ANKRD24: variants seen among roughly 807,000 people sequenced by gnomAD.
ANKRD24 encodes the protein ankyrin repeat domain 24, also known as ankyrin repeat domain-containing protein 24.
In ANKRD24, 109 loss-of-function variants were observed where a neutral mutation model predicts 127.8. The ratio of observed to expected loss-of-function variants is 0.85; its 90% CI spans 0.73 to 1.00. The LOEUF is 1.00. Among genes scored for constraint, ANKRD24 ranks in the 50% least tolerant of loss-of-function variants. The probability of loss-of-function intolerance (pLI) is 0.00; values close to 1 mark genes in which losing one functional copy is unlikely to be tolerated. For synonymous variants in ANKRD24, 743 were observed against 671.1 expected (o/e 1.11, Z -1.66); for missense variants, 1,648 against 1,570.2 (o/e 1.05, Z -0.84).
chr19:4,202,971 G>A lies in ANKRD24; in HGVS notation c.466+45G>A, dbSNP rs1969178697. 3 of 1,500,382 alleles carry A rather than the reference G, an allele frequency of 2.0e-6. No individual in the cohort carries two copies. In the East Asian group the frequency reaches 7.5e-5, roughly 38 times the overall value. The allele number at this position is 1,500,382 out of a possible 1,614,324, so 92.9% of individuals were successfully genotyped here. A position where few individuals can be genotyped will look rare whatever the true frequency, so the allele number is the denominator to read the frequency against. ...GCCCTGACCCCGAAGCCCAGAGGGT[G>A]CTAGACTTGGGGGTTATTCTGCCCA... On this transcript the variant is annotated intron_variant, in intron 7 of 21. Transcript: ENST00000318934.
At chr19:4,221,118 G>A (rs1289427375) in intron 19 of ANKRD24, among the ~76,000 whole-genome samples, 4 of 151,112 alleles carry the variant, frequency 2.6e-5, no homozygotes, top group South Asian at 4.2e-4. Context: ...TCACTCTGTC[G>A]CTCAGGGTGA....
chr19:4,223,894 T>C (rs1799620932), intron 20 of ANKRD24, among the ~76,000 whole-genome samples: 1 of 151,986 alleles, frequency 6.6e-6, no homozygotes, highest in African/African-American at 2.4e-5. Context: ...AGACGGGATT[T>C]TACCATGTTG....
intron 13 of ANKRD24, 62 bp downstream of exon 13, chr19:4,210,434 G>A: frequency 1.5e-6 from 2 of 1,368,414 alleles, no homozygotes; most frequent in Non-Finnish European, 2.0e-6. Context: ...CAGGCATGAA[G>A]ATCCCCCTAC....
chr19:4,218,036 T>G lies in ANKRD24; in HGVS notation c.2876T>G (p.Val959Gly). Residue 959 changes from valine (V) to glycine (G), a missense_variant, in exon 18 of 22, where the codon GTG (valine) becomes GGG (glycine). Val to Gly is a moderately radical substitution (Grantham distance 109). Transcript: ENST00000318934. ...RLRAELERER[V>G]CSVALSEHER... is the part of the protein sequence containing the mutation. ...CGCGCGGAGCTGGAGCGGGAGCGTGTGTGCAGCGTGGCGCTCTCGGAGCAC... is the reference window on the plus strand; with the variant it reads ...CGCGCGGAGCTGGAGCGGGAGCGTGGGTGCAGCGTGGCGCTCTCGGAGCAC... 4 of 1,559,202 alleles carry G rather than the reference T, an allele frequency of 2.6e-6. No individual in the cohort carries two copies. The highest frequency in any genetic ancestry group is 3.5e-6 in the Non-Finnish European group (4 of 1,157,728).
chr19:4,204,215 C>G (rs938159354), intron 7 of ANKRD24, among the ~76,000 whole-genome samples: 1 of 151,586 alleles, frequency 6.6e-6, no homozygotes, highest in Non-Finnish European at 1.5e-5. Context: ...TCCGCCTGCT[C>G]GGCCTCCCAA....
chr19:4,208,995 A>C, intron 11 of ANKRD24, 194 bp downstream of exon 11: 7 of 471,334 alleles, frequency 1.5e-5, no homozygotes, highest in East Asian at 4.2e-5. Flanking sequence ...GGGTGAGAAT[A>C]CTGGATGGGG....
chr19:4,223,403 T>TA (rs1599477868), intron 20 of ANKRD24, among the ~76,000 whole-genome samples: 161 of 76,510 alleles, frequency 2.1e-3, no homozygotes, highest in South Asian at 8.0e-3. Flanking sequence ...ATATATATAT[T>TA]TTTTTTTTTT....
intron 6 of ANKRD24, among the ~76,000 whole-genome samples, chr19:4,202,407 A>G (rs932199463): frequency 6.6e-6 from 1 of 152,162 alleles, no homozygotes; most frequent in South Asian, 2.1e-4. Flanking sequence ...CGTCTCTACT[A>G]AAAATACAAA....
Position 4,198,722 on chromosome 19 carries a change from A to G in ANKRD24, c.37-961A>G, listed in dbSNP as rs1309839028. On this transcript the variant is annotated intron_variant, in intron 2 of 21. Coordinates refer to ENST00000318934, the MANE Select transcript of ANKRD24 (RefSeq NM_001393985.1). The surrounding 1 kb of genome is among the most constrained non-coding windows in gnomAD (Gnocchi z 6.1). ...GAATGGAAGAGACATTTGGGGAGACATGTGGACACGTTTTGGAAGACTCTT... is the reference window on the plus strand; with the variant it reads ...GAATGGAAGAGACATTTGGGGAGACGTGTGGACACGTTTTGGAAGACTCTT... Among the ~76,000 whole-genome samples, 8 of 151,880 alleles carry G rather than the reference A, an allele frequency of 5.3e-5. No homozygotes were observed. The highest frequency in any genetic ancestry group is 1.0e-4 in the Non-Finnish European group (7 of 67,994).
chr19:4,211,537 G>A (rs183753909), intron 13 of ANKRD24, among the ~76,000 whole-genome samples: 11 of 152,170 alleles, frequency 7.2e-5, no homozygotes, highest in Non-Finnish European at 1.6e-4. Flanking sequence ...CCAGCTACTT[G>A]GGAGGCTGAG....
intron 18 of ANKRD24, 29 bp downstream of exon 18, chr19:4,218,192 C>T: frequency 7.0e-7 from 1 of 1,418,730 alleles, no homozygotes; most frequent in East Asian, 3.0e-5. Flanking sequence ...CACCCGGGCC[C>T]CACCCCCATT....
At chr19:4,189,502 T>C (rs541431547) in intron 2 of ANKRD24, among the ~76,000 whole-genome samples, 1 of 152,052 alleles carries the variant, frequency 6.6e-6, no homozygotes, top group East Asian at 1.9e-4. Context: ...TCCACCCACC[T>C]TGGCCTTCCA....
At chr19:4,207,080 G>A in intron 7 of ANKRD24, 162 bp from the exon 8 acceptor site, 2 of 595,766 alleles carry the variant, frequency 3.4e-6, no homozygotes, top group Non-Finnish European at 5.7e-6. Context: ...CCCAGATAAT[G>A]TTTGCTTTTT....
chr19:4,211,668 AAAC>A (rs921538637), intron 13 of ANKRD24, among the ~76,000 whole-genome samples: 5 of 152,094 alleles, frequency 3.3e-5, no homozygotes, highest in South Asian at 4.2e-4. Flanking sequence ...CAACAACAAC[AAAC>A]AAAAACAATC....
At chr19:4,194,950 A>G (rs547865343) in intron 2 of ANKRD24, among the ~76,000 whole-genome samples, 5 of 151,202 alleles carry the variant, frequency 3.3e-5, no homozygotes, top group Non-Finnish European at 7.4e-5. Context: ...GTGGGCTCCG[A>G]GGGGCATTTG....
In ANKRD24 at chr19:4,198,105, G is replaced by T; in HGVS notation, c.37-1578G>T. 1 of 471,830 alleles carries T rather than the reference G, an allele frequency of 2.1e-6. No homozygotes were observed. The highest frequency in any genetic ancestry group is 3.8e-6 in the Non-Finnish European group (1 of 264,790). 29.2% of individuals were successfully genotyped at this position (471,830 alleles called of 1,614,324 possible). ...CCTGCGCGCCCTTGGCCGACTCGGA[G>T]GAGGTGGAGATGGACGCCCGCGGGT... On this transcript the variant is annotated intron_variant, in intron 2 of 21. Coordinates refer to ENST00000318934, the MANE Select transcript of ANKRD24 (RefSeq NM_001393985.1). This position sits in a 1 kb window ranked among gnomAD's most constrained non-coding sequence, Gnocchi z 6.1.
chr19:4,182,771 G>T (rs1364831655), intron 1 of ANKRD24, 31 bp downstream of exon 1: 1 of 985,014 alleles, frequency 1.0e-6, no homozygotes. Flanking sequence ...GGGGCTCCCC[G>T]ATGACCCGGG....
chr19:4,213,456 C>CTT (rs769606619), intron 15 of ANKRD24, among the ~76,000 whole-genome samples: 73 of 118,662 alleles, frequency 6.2e-4, no homozygotes, highest in African/African-American at 1.4e-3. Flanking sequence ...ATCCTTCCTT[C>CTT]TTTTTTTTTT....
intron 18 of ANKRD24, 89 bp from the exon 19 acceptor site, chr19:4,219,497 CAAAAG>C: frequency 6.9e-7 from 1 of 1,443,774 alleles, no homozygotes; most frequent in Non-Finnish European, 9.3e-7. Context: ...AATCCAAAAA[CAAAAG>C]AACAAAGTAG....
Sources: allele counts gnomAD v4.1 joint callset (sites outside exome capture counted in the v4.1 genomes callset), GRCh38; gene constraint gnomAD v4.1.1; non-coding constraint Gnocchi (gnomAD v3.1); transcripts MANE v1.5; gene names NCBI Gene and HGNC (gene_info 2026-07-23, HGNC 2026-07-21).